The following GALNTL6 variants were observed in gnomAD, a reference collection of about 807,000 sequenced individuals.
GALNTL6 encodes polypeptide N-acetylgalactosaminyltransferase-like 6.
GALNTL6 carries 46 observed loss-of-function variants against 73.7 expected under a neutral mutation model. The observed-to-expected ratio is 0.62, with a 90% CI of 0.49 to 0.80. The LOEUF (loss-of-function observed/expected upper bound fraction) is 0.80, where lower values mean the gene tolerates loss of function less well. Ranked by LOEUF, GALNTL6 falls within the 30% of genes least tolerant of loss-of-function variation. GALNTL6 has a pLI of 0.00. For synonymous variants in GALNTL6, 259 were observed against 263.7 expected, an observed-to-expected ratio of 0.98 and a Z score of 0.17; for missense variants, 604 against 755.0, an observed-to-expected ratio of 0.80 and a Z score of 2.34.
chr4:172,055,339 TA>T (rs1453797568), intron 2 of GALNTL6, among the ~76,000 whole-genome samples: 37 of 152,142 alleles, frequency 2.4e-4, no homozygotes, highest in Non-Finnish European at 4.1e-4. Flanking sequence ...ATTCTGGAAC[TA>T]AAAACTCTCC....
chr4:172,815,824 C>A (rs1741572289), intron 7 of GALNTL6, among the ~76,000 whole-genome samples: 1 of 152,142 alleles, frequency 6.6e-6, no homozygotes, highest in Non-Finnish European at 1.5e-5. Context: ...TATCTTTCTG[C>A]CTTAAGTCTT....
At chr4:172,078,431 T>C (rs1380246067) in intron 2 of GALNTL6, among the ~76,000 whole-genome samples, 1 of 152,162 alleles carries the variant, frequency 6.6e-6, no homozygotes, top group Non-Finnish European at 1.5e-5. Context: ...CAATTAAACC[T>C]TTTTTCATAA....
intron 2 of GALNTL6, among the ~76,000 whole-genome samples, chr4:172,082,487 G>C (rs1046336198): frequency 5.9e-5 from 9 of 152,150 alleles, no homozygotes; most frequent in African/African-American, 1.7e-4. Context: ...CCAAGGGAGA[G>C]AGCAAAGGGA....
chr4:172,253,454 A>C (rs1737951578), intron 3 of GALNTL6, among the ~76,000 whole-genome samples: 1 of 151,886 alleles, frequency 6.6e-6, no homozygotes, highest in Non-Finnish European at 1.5e-5. Context: ...AAGATATTTG[A>C]CTCCCATATT....
chr4:172,380,628 T>A (rs1022889333), intron 5 of GALNTL6: 2 of 181,184 alleles, frequency 1.1e-5, no homozygotes, highest in African/African-American at 4.7e-5. Context: ...ACATAAGTAA[T>A]CTATTTTAAT....
intron 4 of GALNTL6, among the ~76,000 whole-genome samples, chr4:172,346,543 A>G (rs894167728): frequency 6.6e-6 from 1 of 152,160 alleles, no homozygotes; most frequent in African/African-American, 2.4e-5. Context: ...ACATTTTCCA[A>G]ATTGGCTTAT....
intron 5 of GALNTL6, among the ~76,000 whole-genome samples, chr4:172,390,042 T>C (rs191326538): frequency 6.6e-6 from 1 of 152,284 alleles, no homozygotes; most frequent in African/African-American, 2.4e-5. Context: ...TGTATTGTAG[T>C]TGAATGCAAA....
chr4:172,046,771 A>G (rs1742233759), intron 2 of GALNTL6, among the ~76,000 whole-genome samples: 3 of 151,974 alleles, frequency 2.0e-5, no homozygotes, highest in African/African-American at 7.3e-5. Flanking sequence ...TTGTATGATT[A>G]CCCCTTATCA....
intron 5 of GALNTL6, among the ~76,000 whole-genome samples, chr4:172,698,783 A>G (rs993041912): frequency 6.6e-6 from 1 of 152,146 alleles, no homozygotes; most frequent in Non-Finnish European, 1.5e-5. Flanking sequence ...GGTGAGATAT[A>G]TAGGACAACT....
intron 5 of GALNTL6, among the ~76,000 whole-genome samples, chr4:172,491,995 T>C (rs890471970): frequency 2.0e-5 from 3 of 152,190 alleles, no homozygotes; most frequent in African/African-American, 7.2e-5. Flanking sequence ...TTTCCAAATA[T>C]CCATTGAGTG....
chr4:172,613,630 T>A lies in GALNTL6; in HGVS notation c.554-195731T>A, dbSNP rs1438420017. On this transcript the variant is annotated intron_variant, in intron 5 of 12. Coordinates refer to ENST00000506823, the MANE Select transcript of GALNTL6 (RefSeq NM_001034845.3). ...ACCTATGATTAATATTTCAGCAAAA[T>A]GTGTTTTTTGGAATTTATAAATATT... is the stretch of plus-strand genomic sequence containing the variant. Among the ~76,000 whole-genome samples the A allele has an allele frequency of 3.3e-5, 5 of 152,118 alleles. No homozygotes were observed. In the South Asian group the frequency reaches 1.0e-3, roughly 31 times the overall value.
At chr4:172,853,608 C>G (rs1325303079) in intron 7 of GALNTL6, among the ~76,000 whole-genome samples, 4 of 152,166 alleles carry the variant, frequency 2.6e-5, no homozygotes, top group Non-Finnish European at 5.9e-5. Context: ...GGCCTTAACT[C>G]TTCCCCAACA....
At chr4:172,768,364 G>A (rs1421653023) in intron 5 of GALNTL6, among the ~76,000 whole-genome samples, 1 of 152,200 alleles carries the variant, frequency 6.6e-6, no homozygotes, top group Non-Finnish European at 1.5e-5. Context: ...TACCAGTGGG[G>A]TATGGGAGGT....
At chr4:172,413,106 A>G (rs1312435013) in intron 5 of GALNTL6, among the ~76,000 whole-genome samples, 1 of 152,208 alleles carries the variant, frequency 6.6e-6, no homozygotes, top group Non-Finnish European at 1.5e-5. Context: ...TCACATAACT[A>G]TTCATAGCCG....
At chr4:172,802,985 T>C (rs1028551782) in intron 5 of GALNTL6, among the ~76,000 whole-genome samples, 19 of 152,246 alleles carry the variant, frequency 1.2e-4, no homozygotes, top group African/African-American at 4.6e-4. Context: ...CATGTAGACA[T>C]ATAGCTCAGA....
chr4:172,488,149 G>A (rs1344407174), intron 5 of GALNTL6, among the ~76,000 whole-genome samples: 1 of 152,130 alleles, frequency 6.6e-6, no homozygotes, highest in Non-Finnish European at 1.5e-5. Flanking sequence ...TACCTCACTA[G>A]AACATTTCAG....
chr4:171,847,751 T>A (rs1735413106), intron 2 of GALNTL6, among the ~76,000 whole-genome samples: 1 of 152,198 alleles, frequency 6.6e-6, no homozygotes, highest in Non-Finnish European at 1.5e-5. Flanking sequence ...CGTTTTATCA[T>A]GAGATTGCAC....
At chr4:172,657,397 G>C (rs1731089711) in intron 5 of GALNTL6, among the ~76,000 whole-genome samples, 1 of 152,206 alleles carries the variant, frequency 6.6e-6, no homozygotes, top group Admixed American at 6.5e-5. Context: ...GGTCAGCAAA[G>C]AGTTGAAGCA....
chr4:172,793,532 A>C (rs1467003201), intron 5 of GALNTL6, among the ~76,000 whole-genome samples: 1 of 152,204 alleles, frequency 6.6e-6, no homozygotes, highest in Non-Finnish European at 1.5e-5. Context: ...TCCCGGGACC[A>C]TGGGAGACAC....
Sources: gnomAD v4.1 joint callset for allele counts (sites outside exome capture counted in the v4.1 genomes callset) on GRCh38, gnomAD v4.1.1 for gene constraint, MANE v1.5 for transcripts, NCBI Gene and HGNC (gene_info 2026-07-23, HGNC 2026-07-21) for gene names.